Variants in ACOT11 observed in about 807,000 individuals in gnomAD.
The protein encoded by ACOT11 is acyl-CoA thioesterase 11.
ACOT11 carries 69 observed loss-of-function variants against 77.5 expected under a neutral mutation model. The ratio of observed to expected loss-of-function variants is 0.89; its 90% CI spans 0.73 to 1.09. The LOEUF (loss-of-function observed/expected upper bound fraction) is 1.09. ACOT11 is among the 50% of genes least tolerant of loss of function. The pLI is 0.00. For synonymous variants in ACOT11, 279 were observed against 313.0 expected (o/e 0.89, Z 1.15); for missense variants, 766 against 813.7 (o/e 0.94, Z 0.71).
intron 1 of ACOT11, among the ~76,000 whole-genome samples, chr1:54,569,484 T>C (rs1256700509): frequency 6.6e-6 from 1 of 152,112 alleles, no homozygotes; most frequent in Non-Finnish European, 1.5e-5. Context: ...CCTGAGCCAC[T>C]CCTTGTTCCC....
rs185989161 is a variant in ACOT11, at chr1:54,631,278, T to C, written c.1782+392T>C. Among the ~76,000 whole-genome samples the C allele has an allele frequency of 9.8e-5, 15 of 152,310 alleles. 1 individual carries two copies. The East Asian group carries it at 2.9e-3, about 29-fold the overall frequency. The stretch of plus-strand genomic sequence containing the variant: ...ATTTAGAGGCTTGGCAGTTCCCTGT[T>C]AGAATACACCCCCCAGATCAACAGG... On this transcript the variant is annotated intron_variant, in intron 16 of 16. Transcript: ENST00000371316.
chr1:54,576,961 C>T (rs980116073), intron 1 of ACOT11, among the ~76,000 whole-genome samples: 1 of 152,180 alleles, frequency 6.6e-6, no homozygotes, highest in Admixed American at 6.5e-5. Flanking sequence ...ATAAAACTCA[C>T]CTTTTTATAA....
At chr1:54,596,202 C>T (rs1654892181) in intron 6 of ACOT11, among the ~76,000 whole-genome samples, 1 of 152,234 alleles carries the variant, frequency 6.6e-6, no homozygotes, top group Non-Finnish European at 1.5e-5. Flanking sequence ...CCCCATTGCC[C>T]TGTGAATACC....
At chr1:54,634,835 A>G in exon 17 of ACOT11, 1 of 637,136 alleles carries the variant, frequency 1.6e-6, no homozygotes, top group Non-Finnish European at 2.8e-6. Flanking sequence ...TCCAACTATC[A>G]TGAGCAACAC....
intron 6 of ACOT11, among the ~76,000 whole-genome samples, chr1:54,595,676 G>A (rs1654874425): frequency 6.6e-6 from 1 of 152,142 alleles, no homozygotes; most frequent in South Asian, 2.1e-4. Flanking sequence ...ATATCCTGGG[G>A]GTTGTTCTAT....
rs566003155 is a variant in ACOT11, at chr1:54,628,157, C to G, written c.1630-2577C>G. On this transcript the variant is annotated intron_variant, in intron 15 of 16. Transcript: ENST00000371316. ...GGCTGTCCTGTTTCAGCACTGCTCACCCCTGCACCCCGGCAGAGCCACAGG... is the reference window on the plus strand; with the variant it reads ...GGCTGTCCTGTTTCAGCACTGCTCAGCCCTGCACCCCGGCAGAGCCACAGG... 2 of 133,776 alleles carry G rather than the reference C, an allele frequency of 1.5e-5. 1 individual carries two copies. The highest frequency in any genetic ancestry group is 5.0e-4 in the South Asian group (2 of 4,014). 8.3% of individuals were successfully genotyped at this position (133,776 alleles called of 1,614,324 possible).
rs753134373 is a variant in ACOT11, at chr1:54,609,993, TGTTAAGA to T, written c.*884_*890del. On this transcript the variant is annotated 3_prime_UTR_variant, in exon 16 of 16. Transcript: ENST00000343744. ...GTTTAGGATTTGGGTTATCATAAGG[TGTTAAGA>T]GTCCCTTGTTAAAGGGGCAGTGGGA... 3 of 1,549,674 alleles carry T rather than the reference TGTTAAGA, an allele frequency of 1.9e-6. No individual in the cohort carries two copies. Among genetic ancestry groups the T allele is most frequent in the Non-Finnish European group, 1.7e-6 (2 of 1,152,858 alleles).
intron 15 of ACOT11, chr1:54,615,875 G>C (rs564029332): frequency 1.2e-6 from 1 of 804,776 alleles, no homozygotes; most frequent in South Asian, 1.6e-5. Context: ...CTGAGCCTGG[G>C]CATCTATAAC....
chr1:54,604,237 C>T (rs1323800240), intron 11 of ACOT11, 109 bp from the exon 12 acceptor site: 11 of 1,011,948 alleles, frequency 1.1e-5, no homozygotes, highest in South Asian at 4.4e-5. Context: ...ACCCACCCAC[C>T]GCCCAACCCA....
chr1:54,603,779 A>C, intron 10 of ACOT11, 92 bp from the exon 11 acceptor site: 2 of 1,249,444 alleles, frequency 1.6e-6, no homozygotes, highest in South Asian at 1.2e-5. Context: ...CGGGCTCAGC[A>C]CAGGGCCTAG....
chr1:54,582,273 G>A (rs896386667), intron 1 of ACOT11, among the ~76,000 whole-genome samples: 2 of 152,152 alleles, frequency 1.3e-5, no homozygotes, highest in African/African-American at 4.8e-5. Context: ...GGCTTGGGAA[G>A]GGGGAGACCC....
chr1:54,557,798 A>G (rs552966471), intron 1 of ACOT11, among the ~76,000 whole-genome samples: 1 of 152,296 alleles, frequency 6.6e-6, no homozygotes, highest in South Asian at 2.1e-4. Context: ...TTTTCTATAT[A>G]TAGGATTATG....
At position 54,609,059 on chromosome 1, in the gene ACOT11, CAGTTTCT is replaced by C; in HGVS notation, c.1733_1739del (p.Gln578ProfsTer58). On this transcript the variant is annotated frameshift_variant, in exon 16 of 16. Transcript: ENST00000343744. LOFTEE classifies it high-confidence loss of function. ...CTACACCACCTTCAAGGCTTGTGAGCAGTTTCTCTTGGACAACCGGAATGATCTGGCC... is the reference window on the plus strand; with the variant it reads ...CTACACCACCTTCAAGGCTTGTGAGCCTTGGACAACCGGAATGATCTGGCC... 1 of 1,614,140 alleles carries C rather than the reference CAGTTTCT, an allele frequency of 6.2e-7. No homozygotes were observed. Among genetic ancestry groups the C allele is most frequent in the Non-Finnish European group, 8.5e-7 (1 of 1,180,024 alleles).
At chr1:54,627,069 C>G (rs937271726) in intron 15 of ACOT11, among the ~76,000 whole-genome samples, 1 of 134,920 alleles carries the variant, frequency 7.4e-6, no homozygotes, top group African/African-American at 2.5e-5. Flanking sequence ...GTTGGCCAGG[C>G]TGGTCTCGAA....
chr1:54,570,444 C>T (rs80114949), intron 1 of ACOT11, among the ~76,000 whole-genome samples: 1,949 of 152,376 alleles, frequency 0.013, 40 homozygotes, highest in African/African-American at 0.044. Flanking sequence ...TGGCCAGTCA[C>T]AGCACTTACC....
chr1:54,552,592 A>G (rs1557643196), intron 1 of ACOT11, among the ~76,000 whole-genome samples: 1 of 151,762 alleles, frequency 6.6e-6, no homozygotes, highest in Non-Finnish European at 1.5e-5. Flanking sequence ...CTCTGGTTCA[A>G]GCGATTCTCA....
intron 10 of ACOT11, among the ~76,000 whole-genome samples, chr1:54,603,540 G>A (rs1643989359): frequency 6.6e-6 from 1 of 152,170 alleles, no homozygotes; most frequent in Non-Finnish European, 1.5e-5. Flanking sequence ...TGAGGCAGGG[G>A]TGACTGCTGA....
chr1:54,623,321 C>A (rs998251649), intron 15 of ACOT11: 1 of 1,614,018 alleles, frequency 6.2e-7, no homozygotes, highest in Admixed American at 1.7e-5. Context: ...CGGCAATGAC[C>A]ACCACAGACA....
At chr1:54,561,935 C>T (rs1323826769) in intron 1 of ACOT11, among the ~76,000 whole-genome samples, 4 of 101,074 alleles carry the variant, frequency 4.0e-5, no homozygotes, top group Non-Finnish European at 7.6e-5. Context: ...ACCTCCCTCC[C>T]GGACGGGGCG....
Sources: allele counts gnomAD v4.1 joint callset (sites outside exome capture counted in the v4.1 genomes callset), GRCh38; gene constraint gnomAD v4.1.1; transcripts MANE v1.5; gene names NCBI Gene and HGNC (gene_info 2026-07-23, HGNC 2026-07-21).